Variants in PDE1C observed in about 807,000 individuals in gnomAD.
PDE1C encodes phosphodiesterase 1C.
Under a neutral mutation model 93.1 loss-of-function variants are expected in PDE1C, and 62 were observed. The observed-to-expected ratio is 0.67, with a 90% CI of 0.54 to 0.82. The LOEUF is 0.82. Ranked by LOEUF, PDE1C falls within the 40% of genes least tolerant of loss-of-function variation. The pLI is 0.00. For missense variants in PDE1C, 742 were observed against 884.6 expected (o/e 0.84, Z 2.04); for synonymous variants, 325 against 310.1 (o/e 1.05, Z -0.50).
At chr7:32,238,916 A>G (rs182281671) in intron 1 of PDE1C, among the ~76,000 whole-genome samples, 56 of 152,312 alleles carry the variant, frequency 3.7e-4, no homozygotes, top group Admixed American at 9.8e-4. Context: ...GAAAGGACTC[A>G]GACCATAAAG....
chr7:31,725,943 A>C, the PDE1C span, among the ~76,000 whole-genome samples: 3 of 152,210 alleles, frequency 2.0e-5, no homozygotes, highest in Admixed American at 1.3e-4. Context: ...GAAAAATCCC[A>C]AAAAATAGGA....
At chr7:32,055,886 A>C (rs1794013551) in intron 1 of PDE1C, among the ~76,000 whole-genome samples, 2 of 152,176 alleles carry the variant, frequency 1.3e-5, no homozygotes, top group East Asian at 1.9e-4. Context: ...TGCCCAGCTA[A>C]GTTTTGTATT....
chr7:32,244,215 G>T (rs1808748740), intron 1 of PDE1C, among the ~76,000 whole-genome samples: 1 of 152,194 alleles, frequency 6.6e-6, no homozygotes, highest in Non-Finnish European at 1.5e-5. Context: ...TGTAAAAGTG[G>T]CCACATAGGG....
At chr7:32,287,253 G>T (rs1267218123) in intron 1 of PDE1C, among the ~76,000 whole-genome samples, 1 of 152,136 alleles carries the variant, frequency 6.6e-6, no homozygotes, top group Non-Finnish European at 1.5e-5. Flanking sequence ...CAGTGGGCCT[G>T]TAAGACCTCA....
intron 2 of PDE1C, among the ~76,000 whole-genome samples, chr7:31,931,554 G>T (rs913751332): frequency 2.0e-5 from 3 of 152,120 alleles, no homozygotes; most frequent in Non-Finnish European, 4.4e-5. Context: ...CCTCTTCAAG[G>T]AGAACTACAA....
At chr7:32,313,595 C>T (rs1310250082) in intron 1 of PDE1C, among the ~76,000 whole-genome samples, 1 of 151,986 alleles carries the variant, frequency 6.6e-6, no homozygotes, top group Non-Finnish European at 1.5e-5. Context: ...GAGTTCATGT[C>T]CTTTGTGGGG....
At chr7:31,823,306 A>C in intron 13 of PDE1C, 58 bp from the exon 14 acceptor site, 1 of 1,456,606 alleles carries the variant, frequency 6.9e-7, no homozygotes, top group Middle Eastern at 1.8e-4. Flanking sequence ...AATGTCTGCC[A>C]ATGAGCAAGC....
the PDE1C span, among the ~76,000 whole-genome samples, chr7:31,663,080 G>A: frequency 1.3e-5 from 2 of 152,132 alleles, no homozygotes; most frequent in Non-Finnish European, 2.9e-5. Flanking sequence ...GCTGGACACT[G>A]CTGTGCCTTC....
chr7:32,079,016 A>G (rs916016713), intron 3 of PDE1C, among the ~76,000 whole-genome samples: 1 of 152,154 alleles, frequency 6.6e-6, no homozygotes, highest in Non-Finnish European at 1.5e-5. Context: ...AGGAGATGCA[A>G]AGTGGAAGTT....
intron 1 of PDE1C, among the ~76,000 whole-genome samples, chr7:32,235,899 T>C (rs1252037057): frequency 1.3e-5 from 2 of 152,066 alleles, no homozygotes. Context: ...TTTTAAGACT[T>C]AAGCTACAGT....
At chr7:31,665,342 T>G in the PDE1C span, among the ~76,000 whole-genome samples, 1 of 152,208 alleles carries the variant, frequency 6.6e-6, no homozygotes, top group Non-Finnish European at 1.5e-5. Context: ...ATTGATCCTA[T>G]TTTGTTTCTT....
intron 1 of PDE1C, among the ~76,000 whole-genome samples, chr7:32,309,499 G>T (rs1226489587): frequency 6.6e-6 from 1 of 152,196 alleles, no homozygotes; most frequent in African/African-American, 2.4e-5. Flanking sequence ...CAGCCAGAGA[G>T]AAAGGTCGGG....
At chr7:32,275,515 A>G (rs1391674922) in intron 1 of PDE1C, among the ~76,000 whole-genome samples, 2 of 152,182 alleles carry the variant, frequency 1.3e-5, no homozygotes, top group Non-Finnish European at 2.9e-5. Context: ...CAGTGAACAT[A>G]AAAGCACATT....
At chr7:32,214,063 T>C (rs1385554424) in intron 1 of PDE1C, among the ~76,000 whole-genome samples, 1 of 152,182 alleles carries the variant, frequency 6.6e-6, no homozygotes, top group Non-Finnish European at 1.5e-5. Context: ...TACATATTAT[T>C]TTGGATATGT....
intron 16 of PDE1C, chr7:31,790,238 G>C (rs773502799): frequency 6.2e-7 from 1 of 1,612,686 alleles, no homozygotes; most frequent in South Asian, 1.1e-5. Context: ...TTGTCTATGA[G>C]GTCTTTTTTA....
At chr7:31,906,696 G>T (rs1012397018) in intron 2 of PDE1C, among the ~76,000 whole-genome samples, 4 of 152,298 alleles carry the variant, frequency 2.6e-5, no homozygotes, top group Admixed American at 2.6e-4. Context: ...GGCTAGCCCA[G>T]GAGTCTAGCA....
chr7:31,705,405 C>T, the PDE1C span, among the ~76,000 whole-genome samples: 1 of 152,186 alleles, frequency 6.6e-6, no homozygotes, highest in South Asian at 2.1e-4. Flanking sequence ...TGTTCTCCTG[C>T]CATGCTAGCC....
the PDE1C span, among the ~76,000 whole-genome samples, chr7:31,739,719 GA>G: frequency 6.6e-6 from 1 of 152,244 alleles, no homozygotes; most frequent in South Asian, 2.1e-4. Context: ...CTCAGTGCAG[GA>G]AAGGGAACCA....
chr7:32,268,008 T>G (rs547281602), intron 1 of PDE1C, among the ~76,000 whole-genome samples: 1 of 152,322 alleles, frequency 6.6e-6, no homozygotes, highest in Admixed American at 6.5e-5. Context: ...AAAGTCAGGC[T>G]GGCACTGCTA....
Sources: allele counts gnomAD v4.1 joint callset (sites outside exome capture counted in the v4.1 genomes callset), GRCh38; gene constraint gnomAD v4.1.1; transcripts MANE v1.5; gene names NCBI Gene and HGNC (gene_info 2026-07-23, HGNC 2026-07-21).